The following CREBBP variants were observed in gnomAD, a reference collection of about 807,000 sequenced individuals.
CREBBP encodes CREB binding lysine acetyltransferase.
A neutral mutation model predicts 265.0 loss-of-function variants in CREBBP; 19 were observed. The ratio of observed to expected loss-of-function variants is 0.07; its 90% confidence interval spans 0.05 to 0.11. CREBBP has a LOEUF of 0.11. Among genes scored for constraint, CREBBP ranks in the 10% least tolerant of loss-of-function variants. The pLI, the probability that CREBBP is intolerant of heterozygous loss-of-function variation, is 1.00. For missense variants in CREBBP, 2,525 were observed against 3,219.0 expected (o/e 0.78, Z 5.22); for synonymous variants, 1,457 against 1,223.7 (o/e 1.19, Z -3.98).
At chr16:3,802,673 C>G (rs2053741579) in intron 3 of CREBBP, among the ~76,000 whole-genome samples, 1 of 151,960 alleles carries the variant, frequency 6.6e-6, no homozygotes, top group Admixed American at 6.6e-5. Context: ...TTCAAAGGAC[C>G]CTGTGTTCCA....
chr16:3,736,325 GCCC>G (rs529264128), intron 27 of CREBBP, 122 bp from the exon 28 acceptor site: 15 of 1,039,922 alleles, frequency 1.4e-5, no homozygotes, highest in East Asian at 7.3e-5. Context: ...ATGCATGTGT[GCCC>G]CCCCACCACA....
At chr16:3,739,503 G>T (rs373419583) in intron 25 of CREBBP, 75 bp downstream of exon 25, 1 of 1,576,956 alleles carries the variant, frequency 6.3e-7, no homozygotes, top group Middle Eastern at 1.9e-4. Context: ...AGGCTCCTCT[G>T]GGACACTTAA....
intron 1 of CREBBP, among the ~76,000 whole-genome samples, chr16:3,870,270 C>A (rs2055267034): frequency 6.6e-6 from 1 of 152,152 alleles, no homozygotes; most frequent in Non-Finnish European, 1.5e-5. Flanking sequence ...GAATCTGTTC[C>A]TTTCAAGATC....
At chr16:3,752,851 C>A (rs181860010) in intron 19 of CREBBP, among the ~76,000 whole-genome samples, 1 of 152,096 alleles carries the variant, frequency 6.6e-6, no homozygotes, top group African/African-American at 2.4e-5. Flanking sequence ...CAATATAGAG[C>A]CTGGGCTCAA....
In CREBBP at chr16:3,726,021, A is replaced by C. The variant is rs1346491779; in HGVS notation, c.*1697T>G. 2.1e-5 allele frequency: 5 copies of C among 233,058 alleles called. No homozygotes were observed. Among genetic ancestry groups the C allele is most frequent in the Non-Finnish European group, 3.4e-5 (4 of 118,002 alleles). The allele number at this position is 233,058 out of a possible 1,614,324, so 14.4% of individuals were successfully genotyped here. ...GGAGCCTGGAACTGGACTCCAAGGG[A>C]GGCAGGACCATGTGGCTAAGTGCAA... is the stretch of plus-strand genomic sequence containing the variant. On this transcript the variant is annotated 3_prime_UTR_variant, in exon 31 of 31. Transcript: ENST00000262367.
chr16:3,794,740 GTCT>G (rs1233245516), intron 3 of CREBBP, among the ~76,000 whole-genome samples: 2 of 152,202 alleles, frequency 1.3e-5, no homozygotes, highest in African/African-American at 2.4e-5. Context: ...GACCCATAGA[GTCT>G]TCTTCTTTAC....
intron 1 of CREBBP, among the ~76,000 whole-genome samples, chr16:3,851,698 C>CAAA: frequency 6.6e-6 from 1 of 151,574 alleles, no homozygotes; most frequent in Non-Finnish European, 1.5e-5. Context: ...AGTAAAAAGA[C>CAAA]AAAAAATTAG....
rs1262899889 is a variant in CREBBP at position 3,850,303 on chromosome 16, C to T, written c.792G>A (p.Met264Ile). Residue 264 changes from methionine to isoleucine, a missense_variant, in exon 2 of 31, where the codon ATG becomes ATA. Met to Ile is a conservative substitution (Grantham distance 10). Coordinates refer to ENST00000262367, the MANE Select transcript of CREBBP (RefSeq NM_004380.3). ...AGTGCTTCAGTTCACTTACCTTGGC[C>T]ATGCCTCCTGCCTGTGCGGTGTTCA... The part of the protein sequence containing the change: ...AGLNTAQAGG[M>I]AKMGITGNTS... The T allele has an allele frequency of 1.2e-6, 2 of 1,614,102 alleles. No homozygotes were observed. The highest frequency in any genetic ancestry group is 1.7e-5 in the Admixed American group (1 of 60,004).
intron 2 of CREBBP, among the ~76,000 whole-genome samples, chr16:3,820,723 GA>G (rs2082380853): frequency 6.6e-6 from 1 of 152,184 alleles, no homozygotes; most frequent in Non-Finnish European, 1.5e-5. Flanking sequence ...AGCCAGGTGT[GA>G]CGGCGTGTGC....
In CREBBP at chr16:3,824,624, T is replaced by TGG. The variant is rs2054203662; in HGVS notation, c.799-13846_799-13845insCC. On this transcript the variant is annotated intron_variant, in intron 2 of 30. Transcript: ENST00000262367. ...TGGACTCAAGTCAAGAGTGATGGCC[T>TGG]CCCACCTCTGGCCACTCCCATCCCC... Among the ~76,000 whole-genome samples the TGG allele has an allele frequency of 3.3e-5, 5 of 152,258 alleles. No homozygotes were observed. The South Asian group carries it at 1.0e-3, about 32-fold the overall frequency.
In CREBBP at chr16:3,850,820, C is replaced by T. The variant is rs746902106; in HGVS notation, c.275G>A (p.Ser92Asn). The part of the protein sequence containing the change: ...INPGIGNVSA[S>N]SPVQQGLGGQ... ...ACCCAGGCCCTGCTGCACGGGGCTG[C>T]TGGCGCTCACATTTCCTATTCCTGG... Residue 92 changes from serine (S) to asparagine (N), a missense_variant, in exon 2 of 31, where the codon AGC (serine) becomes AAC (asparagine). Transcript: ENST00000262367. 8 of 1,614,020 alleles carry T rather than the reference C, an allele frequency of 5.0e-6. 1 individual carries two copies. The highest frequency in any genetic ancestry group is 2.2e-5 in the South Asian group (2 of 91,088).
In CREBBP at chr16:3,728,938, T is replaced by G. The variant is rs752108621; in HGVS notation, c.6109A>C (p.Arg2037=). 1 of 1,601,494 alleles carries G rather than the reference T, an allele frequency of 6.2e-7. No individual in the cohort carries two copies. Among genetic ancestry groups the G allele is most frequent in the South Asian group, 1.1e-5 (1 of 90,732 alleles). The change falls in exon 31 of 31, where the codon AGG becomes CGG. Residue 2037 remains arginine (R), a synonymous_variant. Coordinates refer to ENST00000262367, the MANE Select transcript of CREBBP (RefSeq NM_004380.3). The surrounding 1 kb of genome is among the most constrained non-coding windows in gnomAD (Gnocchi z 8.7). ...TGGGCCTGCATGGATATCACAGGCC[T>G]GGGCAAGCCTGGCATGGGCTGCTGC... is the stretch of plus-strand genomic sequence containing the variant. The part of the protein sequence containing the change: ...PQQQPMPGLP[R]PVISMQAQAA...
At chr16:3,768,416 G>A (rs2052918235) in intron 15 of CREBBP, among the ~76,000 whole-genome samples, 1 of 151,904 alleles carries the variant, frequency 6.6e-6, no homozygotes, top group South Asian at 2.1e-4. Context: ...CAAAGTGCTG[G>A]GATTACAGGT....
rs1439297058 is a variant in CREBBP at position 3,726,238 on chromosome 16, A to AC, written c.*1479dup. ...CTGCCTCAGATTCTGGGAGTCGTGT[A>AC]CGGGGGGGGGGAGCCGCCTGAACAC... On this transcript the variant is annotated 3_prime_UTR_variant, in exon 31 of 31. Transcript: ENST00000262367. 8.0e-5 allele frequency: 15 copies of AC among 186,872 alleles called. No individual in the cohort carries two copies. The highest frequency in any genetic ancestry group is 1.3e-4 in the Non-Finnish European group (12 of 93,714). 11.6% of individuals were successfully genotyped at this position (186,872 alleles called of 1,614,324 possible).
At chr16:3,750,158 G>C (rs1259027565) in intron 20 of CREBBP, among the ~76,000 whole-genome samples, 2 of 152,076 alleles carry the variant, frequency 1.3e-5, no homozygotes, top group Non-Finnish European at 2.9e-5. Flanking sequence ...AAACCACCAC[G>C]CCCTGTTAAG....
intron 2 of CREBBP, among the ~76,000 whole-genome samples, chr16:3,830,389 C>T (rs887052898): frequency 1.3e-5 from 2 of 150,996 alleles, no homozygotes; most frequent in Non-Finnish European, 2.9e-5. Flanking sequence ...GTGAGAGTGA[C>T]ATCCTGTATC....
intron 3 of CREBBP, among the ~76,000 whole-genome samples, chr16:3,794,994 AT>A (rs367805978): frequency 3.9e-5 from 6 of 152,230 alleles, no homozygotes; most frequent in Admixed American, 6.5e-5. Context: ...TATACAAATA[AT>A]TTTTAATGAA....
chr16:3,800,303 G>C (rs2053686936), intron 3 of CREBBP, among the ~76,000 whole-genome samples: 1 of 152,072 alleles, frequency 6.6e-6, no homozygotes. Flanking sequence ...ATTTTTTGTA[G>C]AGACAGAGTC....
At chr16:3,851,703 A>G (rs1383660889) in intron 1 of CREBBP, among the ~76,000 whole-genome samples, 1 of 150,168 alleles carries the variant, frequency 6.7e-6, no homozygotes, top group East Asian at 2.0e-4. Context: ...AAAGACAAAA[A>G]ATTAGCCGGG....
Sources: allele counts gnomAD v4.1 joint callset (sites outside exome capture counted in the v4.1 genomes callset), GRCh38; gene constraint gnomAD v4.1.1; non-coding constraint Gnocchi (gnomAD v3.1); transcripts MANE v1.5; gene names NCBI Gene and HGNC (gene_info 2026-07-23, HGNC 2026-07-21).